NKAIN3: variants seen among roughly 807,000 people sequenced by gnomAD.
NKAIN3 encodes the protein sodium/potassium transporting ATPase interacting 3.
Under a neutral mutation model 30.2 loss-of-function variants are expected in NKAIN3, and 25 were observed. The ratio of observed to expected loss-of-function variants is 0.83; its 90% CI spans 0.60 to 1.16. NKAIN3 has a LOEUF of 1.16. NKAIN3 is among the 50% of genes most tolerant of loss of function. NKAIN3 has a pLI of 0.00. For synonymous variants in NKAIN3, 91 were observed against 89.6 expected (o/e 1.02, Z -0.09); for missense variants, 225 against 254.1 (o/e 0.89, Z 0.78).
chr8:62,350,628 G>A (rs543020982), intron 1 of NKAIN3, among the ~76,000 whole-genome samples: 4 of 152,248 alleles, frequency 2.6e-5, no homozygotes, highest in East Asian at 1.9e-4. Flanking sequence ...TTTATGTTAT[G>A]TATATTTTAA....
At chr8:62,788,541 A>G (rs547461545) in intron 4 of NKAIN3, among the ~76,000 whole-genome samples, 1 of 152,298 alleles carries the variant, frequency 6.6e-6, no homozygotes, top group African/African-American at 2.4e-5. Context: ...TAGTTTAATT[A>G]GATTCCGTTT....
chr8:62,361,113 A>G (rs1036927243), intron 1 of NKAIN3, among the ~76,000 whole-genome samples: 3 of 152,148 alleles, frequency 2.0e-5, no homozygotes, highest in East Asian at 1.9e-4. Context: ...CAGTAGAATC[A>G]CTGGTGATTC....
chr8:62,651,082 G>T, intron 3 of NKAIN3, among the ~76,000 whole-genome samples: 1 of 150,278 alleles, frequency 6.7e-6, no homozygotes. Flanking sequence ...ACCTTCACTT[G>T]AGTATAATTT....
At chr8:62,293,000 C>T (rs969336277) in intron 1 of NKAIN3, among the ~76,000 whole-genome samples, 1 of 151,852 alleles carries the variant, frequency 6.6e-6, no homozygotes, top group African/African-American at 2.4e-5. Flanking sequence ...TCATTGATAC[C>T]CTTTCTTCCA....
At chr8:62,338,211 A>C (rs186270860) in intron 1 of NKAIN3, among the ~76,000 whole-genome samples, 15 of 152,126 alleles carry the variant, frequency 9.9e-5, no homozygotes, top group Middle Eastern at 3.4e-3. Context: ...TGATGTGAAA[A>C]GTTTATAATT....
At chr8:62,636,647 A>C (rs1246474081) in intron 3 of NKAIN3, among the ~76,000 whole-genome samples, 1 of 152,200 alleles carries the variant, frequency 6.6e-6, no homozygotes, top group East Asian at 1.9e-4. Flanking sequence ...CCTCTAGGGG[A>C]GCATTTTAGT....
chr8:62,561,573 T>C (rs1369374026), intron 1 of NKAIN3, among the ~76,000 whole-genome samples: 1 of 152,184 alleles, frequency 6.6e-6, no homozygotes, highest in Non-Finnish European at 1.5e-5. Flanking sequence ...TGTAAAAATC[T>C]GAAGGAGGTC....
intron 3 of NKAIN3, among the ~76,000 whole-genome samples, chr8:62,647,160 C>A (rs1394998656): frequency 1.3e-5 from 2 of 152,152 alleles, no homozygotes; most frequent in Non-Finnish European, 2.9e-5. Flanking sequence ...AAACTTCCAC[C>A]TCGGAGCTGA....
intron 1 of NKAIN3, among the ~76,000 whole-genome samples, chr8:62,257,628 G>A (rs1253077494): frequency 6.6e-6 from 1 of 152,050 alleles, no homozygotes. Context: ...ACTTCTCCAG[G>A]TCTGCATCCT....
At chr8:62,318,720 C>A (rs1309906623) in intron 1 of NKAIN3, among the ~76,000 whole-genome samples, 4 of 152,164 alleles carry the variant, frequency 2.6e-5, no homozygotes, top group African/African-American at 4.8e-5. Context: ...TGATGTTCTG[C>A]TGGATTCGGT....
intron 3 of NKAIN3, among the ~76,000 whole-genome samples, chr8:62,700,116 C>T (rs968520604): frequency 7.2e-5 from 11 of 151,914 alleles, no homozygotes; most frequent in African/African-American, 2.7e-4. Flanking sequence ...TAGAGCAAGA[C>T]CCTGTCTCGA....
intron 1 of NKAIN3, among the ~76,000 whole-genome samples, chr8:62,301,133 A>T (rs1468796919): frequency 6.6e-6 from 1 of 152,100 alleles, no homozygotes; most frequent in African/African-American, 2.4e-5. Context: ...CATAAGTTTA[A>T]TAAAATTAAA....
intron 4 of NKAIN3, among the ~76,000 whole-genome samples, chr8:62,854,340 C>T (rs1586271889): frequency 6.6e-6 from 1 of 152,162 alleles, no homozygotes; most frequent in East Asian, 1.9e-4. Context: ...GTCTAAGTCT[C>T]TGTTAAAGTC....
In NKAIN3 at chr8:62,395,482, A is replaced by G. The variant is rs556155997; in HGVS notation, c.54+146355A>G. ...TTCATGAAAAAAAAGTCTATGAAAC[A>G]AACAAATTGAGAATCGTCCCATTGT... is the stretch of plus-strand genomic sequence containing the variant. On this transcript the variant is annotated intron_variant, in intron 1 of 6. Transcript: ENST00000623646. Among the ~76,000 whole-genome samples the G allele has an allele frequency of 1.1e-4, 16 of 152,360 alleles. 1 individual carries two copies. The South Asian group carries it at 1.4e-3, about 14-fold the overall frequency.
chr8:62,862,015 T>C (rs1036626939), intron 4 of NKAIN3, among the ~76,000 whole-genome samples: 2 of 152,232 alleles, frequency 1.3e-5, no homozygotes, highest in African/African-American at 4.8e-5. Context: ...ATATTAGAGC[T>C]GCTCAGACTT....
intron 1 of NKAIN3, among the ~76,000 whole-genome samples, chr8:62,403,141 G>T (rs1323743323): frequency 6.6e-6 from 1 of 152,154 alleles, no homozygotes. Flanking sequence ...TTTTGCCCCT[G>T]CCCTAAATAT....
intron 1 of NKAIN3, among the ~76,000 whole-genome samples, chr8:62,542,865 G>A (rs1041031203): frequency 6.6e-6 from 1 of 152,058 alleles, no homozygotes; most frequent in African/African-American, 2.4e-5. Flanking sequence ...ATATATCTAA[G>A]CAATGTGTAG....
intron 5 of NKAIN3, among the ~76,000 whole-genome samples, chr8:62,923,514 C>G (rs371599578): frequency 6.6e-6 from 1 of 152,076 alleles, no homozygotes; most frequent in East Asian, 1.9e-4. Flanking sequence ...AAGTGGAGGT[C>G]CTACATTTTT....
chr8:62,344,667 A>G (rs903006689), intron 1 of NKAIN3, among the ~76,000 whole-genome samples: 10 of 152,050 alleles, frequency 6.6e-5, no homozygotes, highest in Non-Finnish European at 1.3e-4. Flanking sequence ...TTTAGCAAGT[A>G]CTTTATACTT....
Sources: gnomAD v4.1 joint callset for allele counts (sites outside exome capture counted in the v4.1 genomes callset) on GRCh38, gnomAD v4.1.1 for gene constraint, MANE v1.5 for transcripts, NCBI Gene and HGNC (gene_info 2026-07-23, HGNC 2026-07-21) for gene names.